ABI3BP: variants seen among roughly 807,000 people sequenced by gnomAD.
ABI3BP encodes ABI family member 3 binding protein, also known as target of Nesh-SH3.
ABI3BP carries 216 observed loss-of-function variants against 268.6 expected under a neutral mutation model. The observed-to-expected ratio is 0.80, with a 90% CI of 0.72 to 0.90. The LOEUF (loss-of-function observed/expected upper bound fraction) is 0.90. Among genes scored for constraint, ABI3BP ranks in the 40% least tolerant of loss-of-function variants. The pLI is 0.00. For synonymous variants in ABI3BP, 730 were observed against 730.0 expected (o/e 1.00, Z 0.00); for missense variants, 2,090 against 2,182.4 (o/e 0.96, Z 0.84).
chr3:100,981,753 A>G (rs1385195380), intron 1 of ABI3BP, among the ~76,000 whole-genome samples: 2 of 152,040 alleles, frequency 1.3e-5, no homozygotes, highest in African/African-American at 4.8e-5. Context: ...TATGTTGAAA[A>G]CACTCCCAGT....
In ABI3BP at chr3:100,852,220, C is replaced by T. The variant is rs2098851024; in HGVS notation, c.1286-280G>A. Among the ~76,000 whole-genome samples, 3 of 152,132 alleles carry T rather than the reference C, an allele frequency of 2.0e-5. 1 individual carries two copies. Among genetic ancestry groups the T allele is most frequent in the Admixed American group, 2.0e-4 (3 of 15,266 alleles). ...ATAGTGCTATATATTTATAATCATG[C>T]AGTGCCAGCTGTAAATCAAAGAGCT... On this transcript the variant is annotated intron_variant, in intron 14 of 67. Coordinates refer to ENST00000471714, the MANE Select transcript of ABI3BP (RefSeq NM_001375547.2).
intron 61 of ABI3BP, among the ~76,000 whole-genome samples, chr3:100,772,830 G>A (rs2096588062): frequency 6.6e-6 from 1 of 152,096 alleles, no homozygotes; most frequent in Non-Finnish European, 1.5e-5. Context: ...TATAATCCCA[G>A]CACTTTGGGA....
At chr3:100,911,917 C>T in intron 2 of ABI3BP, 1 of 1,331,084 alleles carries the variant, frequency 7.5e-7, no homozygotes, top group Non-Finnish European at 1.1e-6. Flanking sequence ...TTCTTTTTGA[C>T]ATTGGAGAAT....
intron 14 of ABI3BP, among the ~76,000 whole-genome samples, chr3:100,854,720 A>G (rs911609038): frequency 6.6e-6 from 1 of 152,266 alleles, no homozygotes; most frequent in Non-Finnish European, 1.5e-5. Context: ...ACATGGGACC[A>G]AAAGTTGTAG....
At chr3:100,841,194 C>CGTTTTTTTTTTTT in intron 21 of ABI3BP, among the ~76,000 whole-genome samples, 1 of 39,606 alleles carries the variant, frequency 2.5e-5, no homozygotes, top group Non-Finnish European at 4.3e-5. Context: ...CATTAGAACA[C>CGTTTTTTTTTTTT]TTTTTTTTTT....
At chr3:100,875,322 A>T (rs1345854058) in intron 8 of ABI3BP, among the ~76,000 whole-genome samples, 186 bp downstream of exon 8, 1 of 152,226 alleles carries the variant, frequency 6.6e-6, no homozygotes, top group Non-Finnish European at 1.5e-5. Context: ...TTAACACACC[A>T]TGATAAAGAT....
intron 32 of ABI3BP, 26 bp downstream of exon 32, chr3:100,830,552 T>A (rs759490068): frequency 1.3e-6 from 2 of 1,529,198 alleles, no homozygotes; most frequent in Non-Finnish European, 1.8e-6. Flanking sequence ...GAGAGGCAGA[T>A]GTTGATGGAC....
chr3:100,787,804 T>C lies in ABI3BP; in HGVS notation c.4088-2A>G. ...GTCTTGTAGTTGTCCTATTCAGAAC[T>C]AAAATAAAGTGGGATATAAATAGTT... On this transcript the variant is annotated splice_acceptor_variant, in intron 56 of 67. Transcript: ENST00000471714. LOFTEE classifies it high-confidence loss of function. The C allele has an allele frequency of 6.6e-7, 1 of 1,513,904 alleles. No individual in the cohort carries two copies. The highest frequency in any genetic ancestry group is 8.8e-7 in the Non-Finnish European group (1 of 1,137,762). The allele number at this position is 1,513,904 out of a possible 1,614,324, so 93.8% of individuals were successfully genotyped here.
intron 60 of ABI3BP, 38 bp from the exon 61 acceptor site, chr3:100,774,711 T>A: frequency 7.0e-7 from 1 of 1,434,404 alleles, no homozygotes; most frequent in Non-Finnish European, 9.4e-7. Context: ...TGGCAAAAGA[T>A]AAAAAAGCTT....
At chr3:100,783,699 T>C (rs2150393525) in intron 57 of ABI3BP, among the ~76,000 whole-genome samples, 1 of 152,352 alleles carries the variant, frequency 6.6e-6, no homozygotes, top group African/African-American at 2.4e-5. Context: ...GGCCATACTG[T>C]CTCTGCCACA....
intron 1 of ABI3BP, among the ~76,000 whole-genome samples, chr3:100,964,279 A>C (rs2080388083): frequency 1.3e-5 from 2 of 152,184 alleles, no homozygotes; most frequent in African/African-American, 4.8e-5. Flanking sequence ...GTCCATTTGC[A>C]TAATAAGATT....
In ABI3BP at chr3:100,770,767, T is replaced by C. The variant is rs1173230389; in HGVS notation, c.4717A>G (p.Lys1573Glu). 6.5e-7 allele frequency: 1 copy of C among 1,531,216 alleles called. No individual in the cohort carries two copies. Among genetic ancestry groups the C allele is most frequent in the Non-Finnish European group, 8.8e-7 (1 of 1,137,066 alleles). 94.9% of individuals were successfully genotyped at this position (1,531,216 alleles called of 1,614,324 possible). A position where few individuals can be genotyped will look rare whatever the true frequency, so the allele number is the denominator to read the frequency against. Residue 1573 changes from lysine to glutamate, a missense_variant, in exon 62 of 68, where the codon AAG (lysine) becomes GAG (glutamate). Transcript: ENST00000471714. ...CCAGTGACAGTGTCATTTAGTGGCTTTTCCCAGTCCAAGATGACAAATGAG... is the reference window on the plus strand; with the variant it reads ...CCAGTGACAGTGTCATTTAGTGGCTCTTCCCAGTCCAAGATGACAAATGAG... The part of the protein sequence containing the change: ...CPSFVILDWE[K>E]PLNDTVTEYE...
At position 100,754,678 on chromosome 3, in the gene ABI3BP, C is replaced by T; in HGVS notation, c.4864G>A (p.Val1622Met). ...TCACCAAGCGGGTTTTTGGGTTTCA[C>T]CTGGAATTCATAACTGTTTAGGGGA... ...LKPNTSYEFQ[V>M]KPKNPLGEGP... Residue 1622 changes from valine (V) to methionine (M), a missense_variant, in exon 64 of 68, where the codon GTG becomes ATG. Transcript: ENST00000471714. The T allele has an allele frequency of 6.3e-7, 1 of 1,586,034 alleles. No individual in the cohort carries two copies. The highest frequency in any genetic ancestry group is 8.6e-7 in the Non-Finnish European group (1 of 1,164,736).
intron 2 of ABI3BP, among the ~76,000 whole-genome samples, chr3:100,905,125 G>A (rs960476275): frequency 5.9e-5 from 9 of 152,086 alleles, no homozygotes; most frequent in Non-Finnish European, 7.3e-5. Context: ...CATGGATGAA[G>A]CTGGAAACCA....
intron 57 of ABI3BP, among the ~76,000 whole-genome samples, chr3:100,783,694 T>C (rs1354744396): frequency 6.6e-6 from 1 of 152,236 alleles, no homozygotes; most frequent in Non-Finnish European, 1.5e-5. Context: ...TTGTGGGCCA[T>C]ACTGTCTCTG....
At position 100,900,773 on chromosome 3, in the gene ABI3BP, C is replaced by T. The variant is rs562615250; in HGVS notation, c.328+1845G>A. 9.9e-5 allele frequency among the ~76,000 whole-genome samples: 15 copies of T among 152,134 alleles called. No individual in the cohort carries two copies. The South Asian group carries it at 1.7e-3, about 17-fold the overall frequency. ...CAGATAACAAAAACAAAATTATATC[C>T]GCTATCCAAAAAGAAAGGTGGGATG... On this transcript the variant is annotated intron_variant, in intron 3 of 67. Coordinates refer to ENST00000471714, the MANE Select transcript of ABI3BP (RefSeq NM_001375547.2).
chr3:100,862,418 T>A (rs202144003), intron 13 of ABI3BP, 33 bp from the exon 14 acceptor site: 1 of 146,074 alleles, frequency 6.8e-6, no homozygotes. Flanking sequence ...TTGCTGAAGA[T>A]TTTTTTTTTT....
At chr3:100,970,044 C>T (rs556594564) in intron 1 of ABI3BP, among the ~76,000 whole-genome samples, 1 of 152,202 alleles carries the variant, frequency 6.6e-6, no homozygotes, top group African/African-American at 2.4e-5. Context: ...CAGGTCTAGC[C>T]TAACCTTGGT....
chr3:100,847,176 A>G (rs2098779251), intron 19 of ABI3BP, among the ~76,000 whole-genome samples: 1 of 152,234 alleles, frequency 6.6e-6, no homozygotes, highest in South Asian at 2.1e-4. Context: ...AAAAAAATTC[A>G]CCAATAGGTA....
Sources: gnomAD v4.1 joint callset for allele counts (sites outside exome capture counted in the v4.1 genomes callset) on GRCh38, gnomAD v4.1.1 for gene constraint, MANE v1.5 for transcripts, NCBI Gene and HGNC (gene_info 2026-07-23, HGNC 2026-07-21) for gene names.